OXNAD1: variants seen among roughly 807,000 people sequenced by gnomAD.
OXNAD1 encodes oxidoreductase NAD binding domain containing 1.
Under a neutral mutation model 32.9 loss-of-function variants are expected in OXNAD1, and 34 were observed. The ratio of observed to expected loss-of-function variants is 1.03; its 90% confidence interval spans 0.79 to 1.38. OXNAD1 has a LOEUF of 1.38. Among genes scored for constraint, OXNAD1 ranks in the 40% most tolerant of loss-of-function variants. The pLI, the probability that OXNAD1 is intolerant of heterozygous loss-of-function variation, is 0.00. For missense variants in OXNAD1, 407 were observed against 379.4 expected (o/e 1.07, Z -0.60); for synonymous variants, 134 against 135.2 (o/e 0.99, Z 0.06).
intron 4 of OXNAD1, among the ~76,000 whole-genome samples, chr3:16,285,904 C>G (rs2066040586): frequency 6.6e-6 from 1 of 152,168 alleles, no homozygotes; most frequent in Non-Finnish European, 1.5e-5. Flanking sequence ...TTGTGGGCTC[C>G]TTACACCCCC....
intron 9 of OXNAD1, among the ~76,000 whole-genome samples, chr3:16,319,998 G>A (rs1250394803): frequency 6.6e-6 from 1 of 152,192 alleles, no homozygotes; most frequent in African/African-American, 2.4e-5. Flanking sequence ...GAGCATCTGT[G>A]GCAGTTGGGT....
At chr3:16,267,786 T>C (rs2064637297) in intron 1 of OXNAD1, among the ~76,000 whole-genome samples, 1 of 152,248 alleles carries the variant, frequency 6.6e-6, no homozygotes, top group African/African-American at 2.4e-5. Flanking sequence ...CGTCTGGTTC[T>C]TTATTATATC....
chr3:16,338,872 C>T (rs1412644646), downstream of OXNAD1, among the ~76,000 whole-genome samples: 3 of 152,194 alleles, frequency 2.0e-5, no homozygotes, highest in African/African-American at 7.2e-5. The surrounding 1 kb of genome is among the most constrained non-coding windows in gnomAD (Gnocchi z 5.3). Flanking sequence ...GCCAGTCTGT[C>T]TGCAGGAATT....
At chr3:16,352,081 T>G (rs1051339317), downstream of OXNAD1, among the ~76,000 whole-genome samples, 2 of 152,206 alleles carry the variant, frequency 1.3e-5, no homozygotes, top group African/African-American at 4.8e-5. This position sits in a 1 kb window ranked among gnomAD's most constrained non-coding sequence, Gnocchi z 4.6. Context: ...TCAAATAAAA[T>G]GTGTAAGATA....
At position 16,298,141 on chromosome 3, in the gene OXNAD1, C is replaced by A. The variant is rs947986970; in HGVS notation, c.432+3144C>A. The stretch of plus-strand genomic sequence containing the variant: ...TTACCCTGCAACCTTCTGAGTCTCT[C>A]CGTCAGTGTGGCCTCAGCTGCCTCA... On this transcript the variant is annotated intron_variant, in intron 6 of 8. Transcript: ENST00000285083. This position sits in a 1 kb window ranked among gnomAD's most constrained non-coding sequence, Gnocchi z 5.1. Among the ~76,000 whole-genome samples, 1 of 152,160 alleles carries A rather than the reference C, an allele frequency of 6.6e-6. No individual in the cohort carries two copies. The highest frequency in any genetic ancestry group is 1.5e-5 in the Non-Finnish European group (1 of 68,030).
chr3:16,329,546 C>T lies in OXNAD1; in HGVS notation c.*31-7566C>T, dbSNP rs1192747091. Among the ~76,000 whole-genome samples the T allele has an allele frequency of 3.3e-5, 5 of 152,122 alleles. 1 individual carries two copies. Among genetic ancestry groups the T allele is most frequent in the Non-Finnish European group, 4.4e-5 (3 of 68,038 alleles). On this transcript the variant is annotated intron_variant, in intron 9 of 9. Coordinates refer to the OXNAD1 transcript ENST00000435829. The surrounding 1 kb of genome is among the most constrained non-coding windows in gnomAD (Gnocchi z 4.5). ...CCTTTCTGCCTGGCCTCTGGGCACA[C>T]GCACACCTCCCTTCCAGACCAGCAC...
At chr3:16,296,791 C>T (rs887533699) in intron 6 of OXNAD1, among the ~76,000 whole-genome samples, 4 of 151,916 alleles carry the variant, frequency 2.6e-5, no homozygotes, top group Admixed American at 6.6e-5. Context: ...AACAAAAAAA[C>T]GAAAAACCAA....
chr3:16,323,203 T>C (rs1370285310), intron 9 of OXNAD1, among the ~76,000 whole-genome samples: 1 of 152,176 alleles, frequency 6.6e-6, no homozygotes, highest in Non-Finnish European at 1.5e-5. Flanking sequence ...TCCCCTCAGC[T>C]GTCCCGTTTT....
rs1465179212 is a variant in OXNAD1, at chr3:16,298,119, C to T, written c.432+3122C>T. Reference sequence around the variant, plus strand: ...GTAAATGTATCCTGTCACATTTTTACCCTGCAACCTTCTGAGTCTCTCCGT... The same window carrying T: ...GTAAATGTATCCTGTCACATTTTTATCCTGCAACCTTCTGAGTCTCTCCGT... On this transcript the variant is annotated intron_variant, in intron 6 of 8. Transcript: ENST00000285083. This position sits in a 1 kb window ranked among gnomAD's most constrained non-coding sequence, Gnocchi z 5.1. Among the ~76,000 whole-genome samples, 1 of 152,128 alleles carries T rather than the reference C, an allele frequency of 6.6e-6. No homozygotes were observed. Among genetic ancestry groups the T allele is most frequent in the East Asian group, 1.9e-4 (1 of 5,202 alleles).
chr3:16,269,589 C>A (rs577715676), intron 2 of OXNAD1, among the ~76,000 whole-genome samples: 2 of 152,220 alleles, frequency 1.3e-5, no homozygotes, highest in African/African-American at 4.8e-5. Context: ...TATTTATTTT[C>A]TGTCTTCATC....
chr3:16,345,086 A>T lies in OXNAD1; in HGVS notation c.*31-4090A>T, dbSNP rs1252926761. 6.6e-6 allele frequency: 1 copy of T among 152,252 alleles called. No homozygotes were observed. The highest frequency in any genetic ancestry group is 1.5e-5 in the Non-Finnish European group (1 of 68,068). 9.4% of individuals were successfully genotyped at this position (152,252 alleles called of 1,614,324 possible). On this transcript the variant is annotated intron_variant, in intron 9 of 9. Transcript: ENST00000606098. The surrounding 1 kb of genome is among the most constrained non-coding windows in gnomAD (Gnocchi z 5.2). ...AAACAAGGACCTCAGACCTGCAACCACAAGGCCAACAACCTAAGTGAGCTT... is the reference window on the plus strand; with the variant it reads ...AAACAAGGACCTCAGACCTGCAACCTCAAGGCCAACAACCTAAGTGAGCTT...
rs775855366 is a variant in OXNAD1 at position 16,280,836 on chromosome 3, A to T, written c.184-5506A>T. 6.6e-6 allele frequency among the ~76,000 whole-genome samples: 1 copy of T among 152,202 alleles called. No individual in the cohort carries two copies. The highest frequency in any genetic ancestry group is 1.5e-5 in the Non-Finnish European group (1 of 68,032). ...TGCTGACTCTGCCTCAGCATTAAAC[A>T]TGTGTACTGGTAAAGTTGGCAAATG... On this transcript the variant is annotated intron_variant, in intron 4 of 8. Transcript: ENST00000285083. The surrounding 1 kb of genome is among the most constrained non-coding windows in gnomAD (Gnocchi z 4.5).
At chr3:16,295,367 T>A (rs999807528) in intron 6 of OXNAD1, among the ~76,000 whole-genome samples, 1 of 152,202 alleles carries the variant, frequency 6.6e-6, no homozygotes, top group Non-Finnish European at 1.5e-5. Context: ...TATTCTGTCA[T>A]TTTTGGAGGG....
At position 16,329,324 on chromosome 3, in the gene OXNAD1, G is replaced by A. The variant is rs1056864322; in HGVS notation, c.*31-7788G>A. ...CCTGTTACAACAGCACAAGTGGACC[G>A]AGACAGGGCGGAAGTGGAGAAAGGG... On this transcript the variant is annotated intron_variant, in intron 9 of 9. Coordinates refer to the OXNAD1 transcript ENST00000435829. The surrounding 1 kb of genome is among the most constrained non-coding windows in gnomAD (Gnocchi z 4.5). Among the ~76,000 whole-genome samples, 11 of 151,020 alleles carry A rather than the reference G, an allele frequency of 7.3e-5. No homozygotes were observed. The highest frequency in any genetic ancestry group is 2.2e-4 in the African/African-American group (9 of 41,054).
At chr3:16,340,746 C>A (rs2071263694), downstream of OXNAD1, among the ~76,000 whole-genome samples, 1 of 152,190 alleles carries the variant, frequency 6.6e-6, no homozygotes, top group African/African-American at 2.4e-5. Flanking sequence ...CCCTCACCTT[C>A]TTGTCCAAAC....
In OXNAD1 at chr3:16,289,733, T is replaced by C. The variant is rs2066302843; in HGVS notation, c.290+3285T>C. On this transcript the variant is annotated intron_variant, in intron 5 of 8. Transcript: ENST00000285083. The surrounding 1 kb of genome is among the most constrained non-coding windows in gnomAD (Gnocchi z 4.9). ...TTACTCATCTGGTAAGCATTGTGTG[T>C]CTTTTAAGACTGTTTAAAGGGCATC... is the stretch of plus-strand genomic sequence containing the variant. 6.6e-6 allele frequency among the ~76,000 whole-genome samples: 1 copy of C among 152,210 alleles called. No individual in the cohort carries two copies. The highest frequency in any genetic ancestry group is 1.5e-5 in the Non-Finnish European group (1 of 68,032).
At chr3:16,341,745 T>A (rs1178394091), downstream of OXNAD1, among the ~76,000 whole-genome samples, 3 of 152,214 alleles carry the variant, frequency 2.0e-5, no homozygotes, top group Non-Finnish European at 4.4e-5. This position sits in a 1 kb window ranked among gnomAD's most constrained non-coding sequence, Gnocchi z 4.7. Context: ...TTAAAATTTT[T>A]CATAGATTGA....
chr3:16,338,007 G>A (rs770838916), downstream of OXNAD1, among the ~76,000 whole-genome samples: 2 of 152,010 alleles, frequency 1.3e-5, no homozygotes, highest in South Asian at 2.1e-4. This position sits in a 1 kb window ranked among gnomAD's most constrained non-coding sequence, Gnocchi z 5.3. Context: ...TGGGTAGATC[G>A]TCCTAGCTCG....
chr3:16,341,458 T>C (rs749956875), downstream of OXNAD1, among the ~76,000 whole-genome samples: 4 of 152,208 alleles, frequency 2.6e-5, no homozygotes, highest in Admixed American at 6.5e-5. This position sits in a 1 kb window ranked among gnomAD's most constrained non-coding sequence, Gnocchi z 4.7. Context: ...CAATGAAATA[T>C]TATCCAGCAC....
Sources: gnomAD v4.1 joint callset for allele counts (sites outside exome capture counted in the v4.1 genomes callset) on GRCh38, gnomAD v4.1.1 for gene constraint, Gnocchi (gnomAD v3.1) non-coding constraint, MANE v1.5 for transcripts, NCBI Gene and HGNC (gene_info 2026-07-23, HGNC 2026-07-21) for gene names.